FTCDNL1: variants seen among roughly 807,000 people sequenced by gnomAD.
FTCDNL1 encodes the protein formiminotransferase cyclodeaminase N-terminal like, also known as formiminotransferase N-terminal subdomain-containing protein.
A neutral mutation model predicts 5.9 loss-of-function variants in FTCDNL1; 11 were observed. The ratio of observed to expected loss-of-function variants is 1.87; its 90% CI spans 1.18 to 3.10. The LOEUF is 3.10. Ranked by LOEUF, FTCDNL1 falls within the 30% of genes most tolerant of loss-of-function variation. The pLI is 0.00. For synonymous variants in FTCDNL1, 58 were observed against 24.8 expected, an observed-to-expected ratio of 2.34 and a Z score of -3.99; for missense variants, 115 against 65.5, an observed-to-expected ratio of 1.76 and a Z score of -2.61.
At chr2:199,830,756 A>T (rs1012876397) in intron 3 of FTCDNL1, among the ~76,000 whole-genome samples, 2 of 152,210 alleles carry the variant, frequency 1.3e-5, no homozygotes, top group African/African-American at 4.8e-5. Context: ...TTTTTACCAT[A>T]TGTACACATG....
At chr2:199,765,584 T>C (rs1023537647) in intron 3 of FTCDNL1, among the ~76,000 whole-genome samples, 3 of 137,162 alleles carry the variant, frequency 2.2e-5, no homozygotes, top group African/African-American at 8.4e-5. Context: ...GGAGATGGCG[T>C]CTCACTAGGT....
chr2:199,838,070 G>A (rs948698952), intron 3 of FTCDNL1, among the ~76,000 whole-genome samples: 7 of 152,128 alleles, frequency 4.6e-5, no homozygotes, highest in African/African-American at 1.7e-4. Flanking sequence ...ATGAAAGTTT[G>A]TGTGTCAACA....
chr2:199,711,015 G>T, the FTCDNL1 span, among the ~76,000 whole-genome samples: 221 of 152,054 alleles, frequency 1.5e-3, 1 homozygote, highest in African/African-American at 5.0e-3. Context: ...AGTTGCTCAT[G>T]ACTTTGAAAG....
At chr2:199,710,103 C>T in the FTCDNL1 span, among the ~76,000 whole-genome samples, 1 of 152,124 alleles carries the variant, frequency 6.6e-6, no homozygotes, top group Admixed American at 6.6e-5. Flanking sequence ...GTGCATGTTC[C>T]TAGCTGAGGT....
At position 199,768,460 on chromosome 2, in the gene FTCDNL1, T is replaced by C. The variant is rs142279361; in HGVS notation, c.212-7625A>G. On this transcript the variant is annotated intron_variant, in intron 3 of 3. Coordinates refer to the FTCDNL1 transcript ENST00000416668. The stretch of plus-strand genomic sequence containing the variant: ...ATGAGCCATTTTACAGTCATCTCAA[T>C]GCCTTTCTGAAGAAAGGATCTACAA... 2.2e-4 allele frequency among the ~76,000 whole-genome samples: 33 copies of C among 152,344 alleles called. No individual in the cohort carries two copies. The East Asian group carries it at 5.8e-3, about 27-fold the overall frequency.
At chr2:199,675,129 G>A in the FTCDNL1 span, among the ~76,000 whole-genome samples, 4 of 152,150 alleles carry the variant, frequency 2.6e-5, no homozygotes, top group Non-Finnish European at 4.4e-5. Context: ...AATGTCATCA[G>A]AAGGTACTTT....
the FTCDNL1 span, among the ~76,000 whole-genome samples, chr2:199,705,260 T>C: frequency 2.0e-5 from 3 of 152,170 alleles, no homozygotes; most frequent in South Asian, 2.1e-4. Flanking sequence ...ATAAGTACTA[T>C]GGGCTGAGAT....
At chr2:199,707,754 A>C in the FTCDNL1 span, among the ~76,000 whole-genome samples, 1 of 152,156 alleles carries the variant, frequency 6.6e-6, no homozygotes, top group Non-Finnish European at 1.5e-5. Flanking sequence ...CAGGACTTTA[A>C]AGATAGTATC....
the FTCDNL1 span, among the ~76,000 whole-genome samples, chr2:199,730,419 A>G: frequency 3.9e-4 from 60 of 152,356 alleles, no homozygotes; most frequent in African/African-American, 1.4e-3. Context: ...ACAGAATAGG[A>G]GAAAATTTTT....
At chr2:199,678,928 C>CA in the FTCDNL1 span, among the ~76,000 whole-genome samples, 1 of 152,020 alleles carries the variant, frequency 6.6e-6, no homozygotes, top group Non-Finnish European at 1.5e-5. Flanking sequence ...CCTTGGGGTA[C>CA]ATTTCCAGAA....
chr2:199,711,500 G>A, the FTCDNL1 span, among the ~76,000 whole-genome samples: 529 of 152,152 alleles, frequency 3.5e-3, 3 homozygotes, highest in African/African-American at 0.012. Flanking sequence ...TCCCTCAGGA[G>A]TCTTTGTTAT....
the FTCDNL1 span, among the ~76,000 whole-genome samples, chr2:199,735,559 T>A: frequency 1.3e-5 from 2 of 152,098 alleles, no homozygotes; most frequent in Non-Finnish European, 2.9e-5. Context: ...CCTAGACATA[T>A]CTTTAGTGGT....
At chr2:199,706,630 C>T in the FTCDNL1 span, among the ~76,000 whole-genome samples, 1 of 152,112 alleles carries the variant, frequency 6.6e-6, no homozygotes, top group African/African-American at 2.4e-5. Context: ...CTTTTCAGGC[C>T]CCTGACCAGA....
the FTCDNL1 span, among the ~76,000 whole-genome samples, chr2:199,682,051 T>A: frequency 6.6e-6 from 1 of 152,190 alleles, no homozygotes; most frequent in Non-Finnish European, 1.5e-5. Flanking sequence ...TGGTTAATTT[T>A]ATGTGTCAAT....
chr2:199,678,403 G>GC, the FTCDNL1 span, among the ~76,000 whole-genome samples: 2 of 152,214 alleles, frequency 1.3e-5, no homozygotes, highest in South Asian at 4.1e-4. Flanking sequence ...CTGTAAGATA[G>GC]CCCCCTTAGA....
At chr2:199,746,961 G>A in the FTCDNL1 span, among the ~76,000 whole-genome samples, 384 of 151,616 alleles carry the variant, frequency 2.5e-3, 1 homozygote, top group African/African-American at 8.3e-3. Context: ...TGAGGTTCTC[G>A]TGAATTTTGT....
At chr2:199,804,021 C>T (rs1700599774) in intron 3 of FTCDNL1, among the ~76,000 whole-genome samples, 1 of 152,124 alleles carries the variant, frequency 6.6e-6, no homozygotes, top group Non-Finnish European at 1.5e-5. Flanking sequence ...ATTTTATCTT[C>T]CTTTTATCTT....
chr2:199,717,509 A>ATTTTTTTTTT, the FTCDNL1 span, among the ~76,000 whole-genome samples: 346 of 57,688 alleles, frequency 6.0e-3, 38 homozygotes, highest in African/African-American at 0.022. Flanking sequence ...CAAGGCAGAG[A>ATTTTTTTTTT]TTTTTTTTTT....
At chr2:199,840,222 G>C (rs1478487654) in intron 3 of FTCDNL1, among the ~76,000 whole-genome samples, 2 of 152,198 alleles carry the variant, frequency 1.3e-5, no homozygotes, top group Non-Finnish European at 2.9e-5. Context: ...ACTATTGACA[G>C]AATTTGGAGC....
Sources: allele counts gnomAD v4.1 joint callset (sites outside exome capture counted in the v4.1 genomes callset), GRCh38; gene constraint gnomAD v4.1.1; transcripts MANE v1.5; gene names NCBI Gene and HGNC (gene_info 2026-07-23, HGNC 2026-07-21).